The following CDH7 variants were observed in gnomAD, a reference collection of about 807,000 sequenced individuals.
CDH7 encodes cadherin 7, also known as cadherin-7.
A neutral mutation model predicts 71.8 loss-of-function variants in CDH7; 25 were observed. That is an observed-to-expected ratio of 0.35 (90% CI 0.25 to 0.49). The LOEUF is 0.49. Ranked by LOEUF, CDH7 falls within the 20% of genes least tolerant of loss-of-function variation. The probability of loss-of-function intolerance (pLI) is 0.99; values close to 1 mark genes in which losing one functional copy is unlikely to be tolerated. For synonymous variants in CDH7, 381 were observed against 363.8 expected (o/e 1.05, Z -0.54); for missense variants, 862 against 974.6 (o/e 0.88, Z 1.54).
intron 2 of CDH7, among the ~76,000 whole-genome samples, chr18:65,791,602 A>T (rs1271901004): frequency 6.6e-6 from 1 of 152,210 alleles, no homozygotes; most frequent in Non-Finnish European, 1.5e-5. Flanking sequence ...CCCATGTCAG[A>T]TGCTGTGAAT....
At chr18:65,878,567 A>G (rs1180404197) in intron 11 of CDH7, among the ~76,000 whole-genome samples, 1 of 152,162 alleles carries the variant, frequency 6.6e-6, no homozygotes, top group Non-Finnish European at 1.5e-5. Flanking sequence ...AATCCACTTA[A>G]CAGGGAAGGA....
chr18:65,863,459 A>G (rs1418433653), intron 11 of CDH7: 1 of 161,380 alleles, frequency 6.2e-6, no homozygotes, highest in Non-Finnish European at 1.4e-5. Context: ...GTGAAGATAA[A>G]TGGCTTATGC....
chr18:65,882,460 T>C lies in CDH7; in HGVS notation c.*1566T>C, dbSNP rs994394811. 6.6e-6 allele frequency: 1 copy of C among 152,148 alleles called. No homozygotes were observed. The highest frequency in any genetic ancestry group is 1.5e-5 in the Non-Finnish European group (1 of 67,974). 9.4% of individuals were successfully genotyped at this position (152,148 alleles called of 1,614,324 possible). A position where few individuals can be genotyped will look rare whatever the true frequency, so the allele number is the denominator to read the frequency against. ...GTAAACACTGTGTAGAGAATCATGT[T>C]CTAAAAGTGCTTTTTGAAAGGTAGA... On this transcript the variant is annotated 3_prime_UTR_variant, in exon 12 of 12. Transcript: ENST00000397968.
chr18:65,808,809 G>A (rs1239123259), intron 2 of CDH7, among the ~76,000 whole-genome samples: 1 of 152,152 alleles, frequency 6.6e-6, no homozygotes, highest in African/African-American at 2.4e-5. Flanking sequence ...CCAAAGTGCA[G>A]AATGATGGCA....
chr18:65,818,387 T>C (rs1427625979), intron 4 of CDH7, among the ~76,000 whole-genome samples: 1 of 152,200 alleles, frequency 6.6e-6, no homozygotes, highest in Non-Finnish European at 1.5e-5. Context: ...AGAATAAGTT[T>C]ACAAAAGTGA....
At chr18:65,771,380 A>G (rs566070527) in intron 2 of CDH7, among the ~76,000 whole-genome samples, 2 of 152,056 alleles carry the variant, frequency 1.3e-5, no homozygotes, top group Non-Finnish European at 2.9e-5. Flanking sequence ...TGGCTCACGC[A>G]TGTAATCCCA....
chr18:65,831,603 C>G (rs1912351346), intron 6 of CDH7, among the ~76,000 whole-genome samples: 1 of 152,054 alleles, frequency 6.6e-6, no homozygotes, highest in Admixed American at 6.6e-5. Flanking sequence ...GTTCTACTTA[C>G]CAAGATTTCA....
chr18:65,857,039 G>T (rs952516551), intron 7 of CDH7, among the ~76,000 whole-genome samples: 2 of 150,796 alleles, frequency 1.3e-5, no homozygotes, highest in Non-Finnish European at 2.9e-5. Flanking sequence ...AAGAAAGAGG[G>T]TTAATAACAG....
intron 6 of CDH7, among the ~76,000 whole-genome samples, chr18:65,836,655 G>A (rs1194608087): frequency 6.7e-6 from 1 of 149,436 alleles, no homozygotes; most frequent in Non-Finnish European, 1.5e-5. Context: ...TTCATGTTCT[G>A]TCCTAATATC....
At chr18:65,816,782 A>G (rs1294767534) in intron 4 of CDH7, among the ~76,000 whole-genome samples, 1 of 152,152 alleles carries the variant, frequency 6.6e-6, no homozygotes, top group African/African-American at 2.4e-5. Context: ...TTTAACAAGC[A>G]AGGTAGCATG....
In CDH7 at chr18:65,853,922, T is replaced by TATATATATCC. The variant is rs1555689488; in HGVS notation, c.1236-3886_1236-3885insCCATATATAT. ...ATAAATTACCATATATATATATATA[T>TATATATATCC]ATATATATATATATATATATATATA... On this transcript the variant is annotated intron_variant, in intron 7 of 11. Coordinates refer to ENST00000397968, the MANE Select transcript of CDH7 (RefSeq NM_004361.5). 6.8e-3 allele frequency among the ~76,000 whole-genome samples: 513 copies of TATATATATCC among 75,780 alleles called. 27 individuals carry two copies. The highest frequency in any genetic ancestry group is 0.03 in the African/African-American group (488 of 16,322). 49.7% of individuals were successfully genotyped at this position (75,780 alleles called of 152,430 possible).
intron 7 of CDH7, among the ~76,000 whole-genome samples, chr18:65,846,579 G>T (rs1049073958): frequency 1.3e-5 from 2 of 151,886 alleles, no homozygotes; most frequent in Non-Finnish European, 2.9e-5. Context: ...TTTTTATTCT[G>T]CATTTGTCTC....
chr18:65,759,985 A>G (rs1191642251), intron 1 of CDH7, among the ~76,000 whole-genome samples: 1 of 152,188 alleles, frequency 6.6e-6, no homozygotes, highest in Non-Finnish European at 1.5e-5. Context: ...TTATGACCAT[A>G]TGGTTCTCTG....
chr18:65,788,178 A>G (rs1910581689), intron 2 of CDH7, among the ~76,000 whole-genome samples: 1 of 152,218 alleles, frequency 6.6e-6, no homozygotes, highest in Admixed American at 6.5e-5. Flanking sequence ...TCAGCTCTGG[A>G]CACAGGACTG....
At chr18:65,763,407 A>G (rs2143789904) in intron 2 of CDH7, among the ~76,000 whole-genome samples, 1 of 152,270 alleles carries the variant, frequency 6.6e-6, no homozygotes, top group East Asian at 1.9e-4. Flanking sequence ...GGGTTCTTAC[A>G]GCCAGTTGGT....
intron 4 of CDH7, among the ~76,000 whole-genome samples, chr18:65,820,247 T>A (rs1346205007): frequency 6.6e-6 from 1 of 151,126 alleles, no homozygotes; most frequent in African/African-American, 2.4e-5. Context: ...TATGAGCCAG[T>A]GTCTTTTTCA....
intron 1 of CDH7, among the ~76,000 whole-genome samples, chr18:65,754,275 A>C (rs1423853478): frequency 6.6e-6 from 1 of 152,136 alleles, no homozygotes; most frequent in Non-Finnish European, 1.5e-5. Context: ...TCTGTGTTTG[A>C]TAACCAGATG....
intron 7 of CDH7, among the ~76,000 whole-genome samples, chr18:65,850,189 A>AC (rs373950984): frequency 7.0e-6 from 1 of 143,840 alleles, no homozygotes; most frequent in African/African-American, 2.6e-5. Flanking sequence ...TATATATATA[A>AC]AATTAAATAC....
At chr18:65,810,470 A>G (rs1282344909) in intron 3 of CDH7, among the ~76,000 whole-genome samples, 1 of 152,134 alleles carries the variant, frequency 6.6e-6, no homozygotes, top group East Asian at 1.9e-4. Flanking sequence ...TAATATTTGG[A>G]TTAATATTTG....
Sources: gnomAD v4.1 joint callset for allele counts (sites outside exome capture counted in the v4.1 genomes callset) on GRCh38, gnomAD v4.1.1 for gene constraint, MANE v1.5 for transcripts, NCBI Gene and HGNC (gene_info 2026-07-23, HGNC 2026-07-21) for gene names.